ANAPC5: variants seen among roughly 807,000 people sequenced by gnomAD.
ANAPC5 encodes anaphase promoting complex subunit 5, also known as anaphase-promoting complex subunit 5.
Under a neutral mutation model 91.3 loss-of-function variants are expected in ANAPC5, and 60 were observed. The ratio of observed to expected loss-of-function variants is 0.66; its 90% CI spans 0.53 to 0.81. The LOEUF (loss-of-function observed/expected upper bound fraction) is 0.81, where lower values mean the gene tolerates loss of function less well. Among genes scored for constraint, ANAPC5 ranks in the 40% least tolerant of loss-of-function variants. The pLI, the probability that ANAPC5 is intolerant of heterozygous loss-of-function variation, is 0.00. For synonymous variants in ANAPC5, 340 were observed against 364.1 expected (o/e 0.93, Z 0.75); for missense variants, 690 against 931.5 (o/e 0.74, Z 3.37).
At position 121,311,420 on chromosome 12, in the gene ANAPC5, A is replaced by G. The variant is rs370126114; in HGVS notation, c.1894-1557T>C. 2.0e-5 allele frequency among the ~76,000 whole-genome samples: 3 copies of G among 152,232 alleles called. No homozygotes were observed. In the South Asian group the frequency reaches 6.2e-4, roughly 32 times the overall value. On this transcript the variant is annotated intron_variant, in intron 15 of 16. Transcript: ENST00000261819. ...ACAAGAGACAAGGAAAAAGGAGGAC[A>G]TTATATACTCATGAAACAGTCGATT...
Position 121,327,187 on chromosome 12 carries a change from C to A in ANAPC5, c.1349G>T (p.Ser450Ile). Residue 450 changes from serine to isoleucine, a missense_variant, in exon 11 of 17, where the codon AGC becomes ATC. Ser to Ile is a moderately radical substitution (Grantham distance 142, BLOSUM62 -2). Transcript: ENST00000261819. ...CACGCCCGCATTCACCGCCTCCAGG[C>A]TGTTCATGCTCAGCAACATCTGGGC... ...QQAQMLLSMN[S>I]LEAVNAGVQQ... The A allele has an allele frequency of 2.5e-6, 4 of 1,613,638 alleles. No individual in the cohort carries two copies. Among genetic ancestry groups the A allele is most frequent in the Non-Finnish European group, 2.5e-6 (3 of 1,179,986 alleles).
chr12:121,330,118 G>C (rs1475799995), intron 9 of ANAPC5, among the ~76,000 whole-genome samples: 2 of 152,088 alleles, frequency 1.3e-5, no homozygotes, highest in Admixed American at 6.6e-5. Context: ...GGCCACACTT[G>C]GTTTCTGTCA....
At chr12:121,328,034 G>A (rs970984742) in intron 10 of ANAPC5, 1 of 314,266 alleles carries the variant, frequency 3.2e-6, no homozygotes, top group South Asian at 5.4e-5. Context: ...GCGATCGCGG[G>A]TAGATCAGAT....
At chr12:121,327,971 G>C (rs1484329180) in intron 10 of ANAPC5, 1 of 202,378 alleles carries the variant, frequency 4.9e-6, no homozygotes, top group Non-Finnish European at 1.0e-5. Flanking sequence ...CCGGTGCTTG[G>C]AGTCAGATGA....
rs1430227676 is a variant in ANAPC5 at position 121,342,729 on chromosome 12, C to T, written c.591-660G>A. On this transcript the variant is annotated intron_variant, in intron 4 of 16. Coordinates refer to ENST00000261819, the MANE Select transcript of ANAPC5 (RefSeq NM_016237.5). The surrounding 1 kb of genome is among the most constrained non-coding windows in gnomAD (Gnocchi z 4.1). ...AAAAAATTAGCCAAGTGTGGTAGTGCGTGCCTGTAGTCCCAGCTACTCAGG... is the reference window on the plus strand; with the variant it reads ...AAAAAATTAGCCAAGTGTGGTAGTGTGTGCCTGTAGTCCCAGCTACTCAGG... 2.6e-5 allele frequency among the ~76,000 whole-genome samples: 4 copies of T among 151,956 alleles called. No individual in the cohort carries two copies. The highest frequency in any genetic ancestry group is 4.8e-5 in the African/African-American group (2 of 41,394).
In ANAPC5 at chr12:121,342,174, T is replaced by G. The variant is rs1903485570; in HGVS notation, c.591-105A>C. 1 of 803,860 alleles carries G rather than the reference T, an allele frequency of 1.2e-6. No individual in the cohort carries two copies. Among genetic ancestry groups the G allele is most frequent in the African/African-American group, 1.7e-5 (1 of 57,366 alleles). 49.8% of individuals were successfully genotyped at this position (803,860 alleles called of 1,614,324 possible). ...CTTGTATCGAAAGAGTTCAAAAAAT[T>G]TAACTCTCTCCTCAGAACTAGGAAA... On this transcript the variant is annotated intron_variant, in intron 4 of 16. Transcript: ENST00000261819. This position sits in a 1 kb window ranked among gnomAD's most constrained non-coding sequence, Gnocchi z 4.1.
At chr12:121,321,960 C>T (rs1467431795) in intron 11 of ANAPC5, among the ~76,000 whole-genome samples, 1 of 150,116 alleles carries the variant, frequency 6.7e-6, no homozygotes, top group Non-Finnish European at 1.5e-5. Context: ...CTGCCTCCCG[C>T]GTTCAAGCGA....
chr12:121,336,907 T>C (rs1903257456), intron 6 of ANAPC5, among the ~76,000 whole-genome samples: 1 of 152,170 alleles, frequency 6.6e-6, no homozygotes, highest in African/African-American at 2.4e-5. Flanking sequence ...GATTCTCATT[T>C]GCACAGCTAC....
At chr12:121,350,989 TATTGTTCCCATTTTACAGAGA>T (rs1361603121) in intron 1 of ANAPC5, 1 of 395,770 alleles carries the variant, frequency 2.5e-6, no homozygotes, top group Non-Finnish European at 5.0e-6. Context: ...CAGTTTCTAC[TATTGTTCCCATTTTACAGAGA>T]GAAAACTGAG....
rs538485218 is a variant in ANAPC5, at chr12:121,323,729, CAT to C, written c.1441-3272_1441-3271del. Among the ~76,000 whole-genome samples the C allele has an allele frequency of 2.7e-3, 405 of 152,296 alleles. 5 individuals are homozygous for C. Among genetic ancestry groups the C allele is most frequent in the South Asian group, 0.021 (99 of 4,828 alleles). On this transcript the variant is annotated intron_variant, in intron 11 of 16. Transcript: ENST00000261819. ...TTTGTCTACATAGACGCTCAGGCCACATGTGGACTTTTATTTGAAGTGAATAA... is the reference window on the plus strand; with the variant it reads ...TTTGTCTACATAGACGCTCAGGCCACGTGGACTTTTATTTGAAGTGAATAA...
chr12:121,314,021 C>T (rs1468487009), intron 15 of ANAPC5, among the ~76,000 whole-genome samples: 1 of 152,074 alleles, frequency 6.6e-6, no homozygotes, highest in South Asian at 2.1e-4. Context: ...TCCAATAGCA[C>T]GTTAAAAGGA....
chr12:121,317,600 G>A (rs1373167775), intron 15 of ANAPC5, among the ~76,000 whole-genome samples: 1 of 152,118 alleles, frequency 6.6e-6, no homozygotes, highest in Non-Finnish European at 1.5e-5. Flanking sequence ...GAGGAAGGTA[G>A]TAAGAAACAG....
chr12:121,313,352 C>T (rs1902244383), intron 15 of ANAPC5, among the ~76,000 whole-genome samples: 1 of 151,632 alleles, frequency 6.6e-6, no homozygotes, highest in Admixed American at 6.6e-5. Context: ...AACTAGAAAA[C>T]GAAAAGCAAA....
In ANAPC5 at chr12:121,335,619, G is replaced by A. The variant is rs781855010; in HGVS notation, c.864C>T (p.Ser288=). 1 of 1,614,018 alleles carries A rather than the reference G, an allele frequency of 6.2e-7. No individual in the cohort carries two copies. The highest frequency in any genetic ancestry group is 2.2e-5 in the East Asian group (1 of 44,898). ...CATAGCCCTCTTCCCCATTACTTTTGCTTTCGGCTCCGGTAAGAATCAGAC... is the reference window on the plus strand; with the variant it reads ...CATAGCCCTCTTCCCCATTACTTTTACTTTCGGCTCCGGTAAGAATCAGAC... ...FDRLILTGAE[S]KSNGEEGYGR... Residue 288 remains serine, a synonymous_variant, in exon 7 of 17, where the codon AGC becomes AGT. Transcript: ENST00000261819.
At chr12:121,331,650 G>A (rs868984501) in intron 7 of ANAPC5, 6 of 348,888 alleles carry the variant, frequency 1.7e-5, no homozygotes, top group South Asian at 5.7e-5. Flanking sequence ...GAATTGCTAC[G>A]AAAAGGGCAT....
At chr12:121,328,094 C>A in intron 10 of ANAPC5, 1 of 476,826 alleles carries the variant, frequency 2.1e-6, no homozygotes, top group Non-Finnish European at 3.8e-6. Context: ...CACCCATTAC[C>A]TCACAAAGTG....
At chr12:121,335,166 A>T (rs11831561) in intron 7 of ANAPC5, 7,555 of 155,438 alleles carry the variant, frequency 0.049, 203 homozygotes, top group South Asian at 0.081. Context: ...ATCTTTATTT[A>T]TTTTTTCTTT....
intron 6 of ANAPC5, among the ~76,000 whole-genome samples, chr12:121,336,986 G>A (rs571334321): frequency 6.2e-4 from 94 of 152,276 alleles, no homozygotes; most frequent in Middle Eastern, 3.4e-3. Context: ...TTGGGAGGCC[G>A]ACGCGGGCAG....
At chr12:121,308,800 T>C (rs1902043406) in intron 16 of ANAPC5, 109 bp from the exon 17 acceptor site, 1 of 920,334 alleles carries the variant, frequency 1.1e-6, no homozygotes, top group Non-Finnish European at 1.7e-6. Context: ...AAGATTCTTT[T>C]ATATTCTCCA....
Sources: allele counts gnomAD v4.1 joint callset (sites outside exome capture counted in the v4.1 genomes callset), GRCh38; gene constraint gnomAD v4.1.1; non-coding constraint Gnocchi (gnomAD v3.1); transcripts MANE v1.5; gene names NCBI Gene and HGNC (gene_info 2026-07-23, HGNC 2026-07-21).